The following RBM27 variants were observed in gnomAD, a reference collection of about 807,000 sequenced individuals.
RBM27 encodes the protein RNA binding motif protein 27.
A neutral mutation model predicts 135.3 loss-of-function variants in RBM27; 22 were observed. That is an observed-to-expected ratio of 0.16 (90% CI 0.12 to 0.23). The LOEUF (loss-of-function observed/expected upper bound fraction) is 0.23, where lower values mean the gene tolerates loss of function less well. Ranked by LOEUF, RBM27 falls within the 10% of genes least tolerant of loss-of-function variation. The pLI is 1.00. For synonymous variants in RBM27, 481 were observed against 442.4 expected, an observed-to-expected ratio of 1.09 and a Z score of -1.10; for missense variants, 1,009 against 1,281.0, an observed-to-expected ratio of 0.79 and a Z score of 3.24.
chr5:146,207,959 T>C (rs530021359), intron 1 of RBM27, among the ~76,000 whole-genome samples: 67 of 142,554 alleles, frequency 4.7e-4, no homozygotes, highest in Non-Finnish European at 8.9e-4. Context: ...AGGTTTTTTT[T>C]TTTTTTTTTT....
intron 19 of RBM27, among the ~76,000 whole-genome samples, chr5:146,274,357 A>G (rs1442142544): frequency 6.6e-6 from 1 of 151,966 alleles, no homozygotes; most frequent in African/African-American, 2.4e-5. Flanking sequence ...CCTGGGTTCA[A>G]GCGATTCTCG....
intron 8 of RBM27, 62 bp from the exon 9 acceptor site, chr5:146,251,649 C>A: frequency 6.9e-7 from 1 of 1,457,886 alleles, no homozygotes; most frequent in Non-Finnish European, 9.5e-7. Flanking sequence ...GGAAACACAT[C>A]ATCACCTAAG....
chr5:146,275,250 TTTTTAA>T (rs1481466065), intron 19 of RBM27, among the ~76,000 whole-genome samples: 3 of 151,716 alleles, frequency 2.0e-5, no homozygotes, highest in Non-Finnish European at 4.4e-5. Flanking sequence ...CAGAAAGAAC[TTTTTAA>T]TTTTAATTTT....
At chr5:146,212,474 G>A (rs749491822) in intron 1 of RBM27, among the ~76,000 whole-genome samples, 1 of 151,748 alleles carries the variant, frequency 6.6e-6, no homozygotes, top group Non-Finnish European at 1.5e-5. Context: ...TCAGCCTCCT[G>A]AGTAGCTGGG....
chr5:146,209,277 T>TA (rs1284942580), intron 1 of RBM27, among the ~76,000 whole-genome samples: 2 of 152,198 alleles, frequency 1.3e-5, no homozygotes, highest in African/African-American at 4.8e-5. Context: ...CACTGCCACT[T>TA]AAAAAATAAT....
intron 19 of RBM27, among the ~76,000 whole-genome samples, chr5:146,280,301 C>T (rs1386445501): frequency 1.3e-5 from 2 of 152,150 alleles, no homozygotes; most frequent in African/African-American, 4.8e-5. Context: ...AGGTGATCTA[C>T]CTGCCTCAGC....
At position 146,233,970 on chromosome 5, in the gene RBM27, A is replaced by G. The variant is rs1413177101; in HGVS notation, c.1144+227A>G. On this transcript the variant is annotated intron_variant, in intron 7 of 20. Transcript: ENST00000265271. ...TTTTGTGTGTAGTGGCCTAACCTAT[A>G]TTGACCTGCAGTCAAATCTAGTTAT... Among the ~76,000 whole-genome samples the G allele has an allele frequency of 2.6e-5, 4 of 152,140 alleles. No homozygotes were observed. In the East Asian group the frequency reaches 7.7e-4, roughly 29 times the overall value.
intron 11 of RBM27, among the ~76,000 whole-genome samples, chr5:146,259,864 T>TA (rs1758306498): frequency 6.7e-6 from 1 of 149,506 alleles, no homozygotes; most frequent in Non-Finnish European, 1.5e-5. Context: ...TCCCAGCTAC[T>TA]CGGGAGGCTG....
At chr5:146,285,904 C>T (rs565777765) in intron 20 of RBM27, 43 bp from the exon 21 acceptor site, 8 of 1,464,910 alleles carry the variant, frequency 5.5e-6, no homozygotes, top group Non-Finnish European at 7.6e-6. Flanking sequence ...TTTTACTTAC[C>T]ATTCTTGTGC....
At chr5:146,269,742 CTTT>C (rs34783557) in intron 17 of RBM27, among the ~76,000 whole-genome samples, 158 bp downstream of exon 17, 2 of 118,928 alleles carry the variant, frequency 1.7e-5, no homozygotes, top group Non-Finnish European at 3.5e-5. Context: ...ATTATAGTAC[CTTT>C]TTTTTTTTTT....
intron 8 of RBM27, among the ~76,000 whole-genome samples, chr5:146,249,785 CT>C (rs1420639306): frequency 9.4e-5 from 14 of 149,540 alleles, no homozygotes; most frequent in African/African-American, 2.2e-4. Context: ...TTTAAATGTA[CT>C]TTTTTTTCCC....
intron 3 of RBM27, among the ~76,000 whole-genome samples, chr5:146,225,483 A>G (rs1756631218): frequency 6.6e-6 from 1 of 151,876 alleles, no homozygotes; most frequent in Non-Finnish European, 1.5e-5. Flanking sequence ...TATCTCATCA[A>G]GTTCTTTCAA....
intron 19 of RBM27, among the ~76,000 whole-genome samples, chr5:146,274,468 C>T (rs1759004585): frequency 1.3e-5 from 2 of 152,136 alleles, no homozygotes; most frequent in Admixed American, 6.6e-5. Context: ...CCATGTTGGC[C>T]AGGCTGGTCT....
In RBM27 at chr5:146,237,373, C is replaced by T. The variant is rs745401303; in HGVS notation, c.1220C>T (p.Ser407Leu). Residue 407 changes from serine (S) to leucine (L), a missense_variant, in exon 8 of 21, where the codon TCA becomes TTA. Physicochemically the swap from Ser to Leu is moderately radical, Grantham distance 145. Around this residue, in one of 6 missense-constraint regions of RBM27, gnomAD observed 329 missense variants for 368.1 expected, o/e 0.89. Coordinates refer to ENST00000265271, the MANE Select transcript of RBM27 (RefSeq NM_018989.2). ...ACAAGTGCAGTGCCCAATCTTGCAT[C>T]AGTGGGAACAAGACTACCTCCTCCT... Reference protein sequence around the residue: ...PGTSAVPNLASVGTRLPPPLP... With the variant: ...PGTSAVPNLALVGTRLPPPLP... 3 of 1,613,966 alleles carry T rather than the reference C, an allele frequency of 1.9e-6. No homozygotes were observed. The highest frequency in any genetic ancestry group is 1.7e-4 in the Middle Eastern group (1 of 6,060).
intron 8 of RBM27, among the ~76,000 whole-genome samples, chr5:146,251,280 A>G (rs1416970570): frequency 6.6e-6 from 1 of 152,052 alleles, no homozygotes; most frequent in African/African-American, 2.4e-5. Context: ...ACCTGAAATT[A>G]TGTGGGTTGG....
At chr5:146,256,282 T>A (rs1311567838) in intron 10 of RBM27, among the ~76,000 whole-genome samples, 1 of 147,420 alleles carries the variant, frequency 6.8e-6, no homozygotes, top group Non-Finnish European at 1.5e-5. Flanking sequence ...CCTTCTCATA[T>A]ATATATATTT....
chr5:146,268,851 G>A (rs1022249025), intron 15 of RBM27, among the ~76,000 whole-genome samples: 1 of 152,072 alleles, frequency 6.6e-6, no homozygotes, highest in Admixed American at 6.6e-5. Flanking sequence ...TACAAGTTGA[G>A]CCACCATGCC....
intron 9 of RBM27, among the ~76,000 whole-genome samples, chr5:146,253,647 T>A (rs1757991922): frequency 6.6e-6 from 1 of 152,200 alleles, no homozygotes; most frequent in African/African-American, 2.4e-5. Flanking sequence ...GAATCACCTG[T>A]GCTTTAATGG....
At chr5:146,222,791 C>T (rs1017215363) in intron 2 of RBM27, among the ~76,000 whole-genome samples, 1 of 152,152 alleles carries the variant, frequency 6.6e-6, no homozygotes, top group African/African-American at 2.4e-5. Context: ...AAACAGAGCA[C>T]CCTTTAAGTA....
Sources: gnomAD v4.1 joint callset for allele counts (sites outside exome capture counted in the v4.1 genomes callset) on GRCh38, gnomAD v4.1.1 for gene constraint, gnomAD v4.1.1 regional missense constraint, MANE v1.5 for transcripts, NCBI Gene and HGNC (gene_info 2026-07-23, HGNC 2026-07-21) for gene names.